The following RAPGEF5 variants were observed in gnomAD, a reference collection of about 807,000 sequenced individuals.
RAPGEF5 encodes Rap guanine nucleotide exchange factor 5, also known as M-Ras-regulated GEF.
A neutral mutation model predicts 125.2 loss-of-function variants in RAPGEF5; 65 were observed. The observed-to-expected ratio is 0.52, with a 90% confidence interval of 0.43 to 0.64. The LOEUF (loss-of-function observed/expected upper bound fraction) is 0.64, where lower values mean the gene tolerates loss of function less well. Ranked by LOEUF, RAPGEF5 falls within the 30% of genes least tolerant of loss-of-function variation. RAPGEF5 has a pLI of 0.00. For missense variants in RAPGEF5, 958 were observed against 1,048.1 expected, an observed-to-expected ratio of 0.91 and a Z score of 1.19; for synonymous variants, 391 against 385.9, an observed-to-expected ratio of 1.01 and a Z score of -0.16.
At chr7:22,172,624 A>G (rs928129533) in intron 11 of RAPGEF5, among the ~76,000 whole-genome samples, 4 of 152,200 alleles carry the variant, frequency 2.6e-5, no homozygotes, top group Non-Finnish European at 2.9e-5. Context: ...TAGAATAGTA[A>G]GAGGTTTGGT....
At chr7:22,285,739 C>T (rs1397994826) in intron 6 of RAPGEF5, among the ~76,000 whole-genome samples, 1 of 152,196 alleles carries the variant, frequency 6.6e-6, no homozygotes, top group Non-Finnish European at 1.5e-5. Flanking sequence ...TGAGACAGGA[C>T]TTGACTGGCA....
chr7:22,299,692 G>C (rs1239606152), intron 5 of RAPGEF5, among the ~76,000 whole-genome samples: 14 of 151,998 alleles, frequency 9.2e-5, no homozygotes, highest in Non-Finnish European at 2.1e-4. Context: ...AATTCTGTTA[G>C]TTTTCCTTCA....
chr7:22,188,220 G>A (rs1032900302), intron 11 of RAPGEF5, among the ~76,000 whole-genome samples: 1 of 152,158 alleles, frequency 6.6e-6, no homozygotes, highest in Admixed American at 6.5e-5. Context: ...GAAAAAGCCT[G>A]GAAGAAAGGC....
At chr7:22,308,736 A>G (rs1783403026) in intron 4 of RAPGEF5, among the ~76,000 whole-genome samples, 1 of 152,210 alleles carries the variant, frequency 6.6e-6, no homozygotes, top group African/African-American at 2.4e-5. Context: ...ACATGTATTC[A>G]TATTTTTTCT....
chr7:22,127,420 C>T (rs1305366044), intron 24 of RAPGEF5, among the ~76,000 whole-genome samples: 1 of 152,178 alleles, frequency 6.6e-6, no homozygotes, highest in East Asian at 1.9e-4. Flanking sequence ...AGTGAGCTGT[C>T]TCTACCACTT....
intron 9 of RAPGEF5, among the ~76,000 whole-genome samples, chr7:22,209,576 A>T (rs1035883611): frequency 1.3e-5 from 2 of 152,236 alleles, no homozygotes; most frequent in African/African-American, 2.4e-5. Flanking sequence ...TAATTTTTAG[A>T]CATGTGCTTC....
In RAPGEF5 at chr7:22,259,317, G is replaced by C. The variant is rs193132523; in HGVS notation, c.796+7647C>G. 2.4e-4 allele frequency among the ~76,000 whole-genome samples: 36 copies of C among 152,280 alleles called. No homozygotes were observed. The East Asian group carries it at 3.3e-3, about 14-fold the overall frequency. Reference sequence around the variant, plus strand: ...ATATCACTACACATCTATTAAAAGGGCCTACTAGAATGGCCAAAATCTAGA... The same window carrying C: ...ATATCACTACACATCTATTAAAAGGCCCTACTAGAATGGCCAAAATCTAGA... On this transcript the variant is annotated intron_variant, in intron 7 of 25. Transcript: ENST00000665637.
At chr7:22,216,220 C>A (rs1785634316) in intron 9 of RAPGEF5, among the ~76,000 whole-genome samples, 1 of 152,182 alleles carries the variant, frequency 6.6e-6, no homozygotes, top group African/African-American at 2.4e-5. Context: ...CTCAATTCTT[C>A]CTCTAAAGCA....
chr7:22,307,921 C>T (rs774813081), intron 5 of RAPGEF5, among the ~76,000 whole-genome samples: 5 of 152,154 alleles, frequency 3.3e-5, no homozygotes, highest in African/African-American at 1.2e-4. Flanking sequence ...TGATGATTCA[C>T]GTGTTTTAAT....
At position 22,160,258 on chromosome 7, in the gene RAPGEF5, C is replaced by T. The variant is rs969861481; in HGVS notation, c.1526+260G>A. ...AGTAATAATTTACTAATTGTTTTTA[C>T]GTACCTGGTTGTTATGGCCCAGGTT... On this transcript the variant is annotated intron_variant, in intron 14 of 25. Transcript: ENST00000665637. Among the ~76,000 whole-genome samples, 20 of 152,254 alleles carry T rather than the reference C, an allele frequency of 1.3e-4. No individual in the cohort carries two copies. In the South Asian group the frequency reaches 1.9e-3, roughly 14 times the overall value.
intron 6 of RAPGEF5, among the ~76,000 whole-genome samples, chr7:22,284,861 C>T (rs1188717024): frequency 1.3e-5 from 2 of 152,140 alleles, no homozygotes; most frequent in Non-Finnish European, 2.9e-5. Flanking sequence ...AAACATATTT[C>T]TAAATGTGAT....
chr7:22,315,584 T>C (rs1783572928), intron 2 of RAPGEF5, 108 bp from the exon 3 acceptor site: 1 of 656,070 alleles, frequency 1.5e-6, no homozygotes, highest in African/African-American at 2.0e-5. Context: ...TATATTCATA[T>C]ATTTATATAT....
At chr7:22,331,677 G>A (rs1177580219) in intron 1 of RAPGEF5, among the ~76,000 whole-genome samples, 6 of 150,148 alleles carry the variant, frequency 4.0e-5, no homozygotes, top group South Asian at 2.1e-4. Flanking sequence ...CCCGGGAGGC[G>A]GAGCTTGCAG....
intron 7 of RAPGEF5, among the ~76,000 whole-genome samples, chr7:22,251,102 A>T (rs1786607121): frequency 6.6e-6 from 1 of 152,210 alleles, no homozygotes; most frequent in African/African-American, 2.4e-5. Flanking sequence ...GATTTTAGCC[A>T]TTAAAGTTTT....
intron 7 of RAPGEF5, among the ~76,000 whole-genome samples, chr7:22,249,624 T>TA (rs1348460492): frequency 6.6e-6 from 1 of 152,214 alleles, no homozygotes; most frequent in African/African-American, 2.4e-5. Flanking sequence ...TCTCCTTTTA[T>TA]AAAGCTTTCA....
chr7:22,329,822 G>C (rs1275332200), intron 1 of RAPGEF5, among the ~76,000 whole-genome samples: 1 of 152,124 alleles, frequency 6.6e-6, no homozygotes, highest in Non-Finnish European at 1.5e-5. Flanking sequence ...CACTCAGGGG[G>C]CCACAGGCAG....
intron 7 of RAPGEF5, among the ~76,000 whole-genome samples, chr7:22,259,204 A>G (rs1782086046): frequency 6.6e-6 from 1 of 152,244 alleles, no homozygotes; most frequent in South Asian, 2.1e-4. Flanking sequence ...ACCTGAACAC[A>G]TACCTCAACG....
chr7:22,294,713 C>T (rs1783018909), intron 5 of RAPGEF5, among the ~76,000 whole-genome samples: 1 of 152,124 alleles, frequency 6.6e-6, no homozygotes, highest in Non-Finnish European at 1.5e-5. Flanking sequence ...CTCTTCAAGA[C>T]ATATCTCTCA....
At chr7:22,318,255 C>A (rs1383293193) in intron 1 of RAPGEF5, among the ~76,000 whole-genome samples, 1 of 152,084 alleles carries the variant, frequency 6.6e-6, no homozygotes, top group Non-Finnish European at 1.5e-5. Flanking sequence ...ACAGGATATT[C>A]CACTTCAATG....
Sources: allele counts gnomAD v4.1 joint callset (sites outside exome capture counted in the v4.1 genomes callset), GRCh38; gene constraint gnomAD v4.1.1; transcripts MANE v1.5; gene names NCBI Gene and HGNC (gene_info 2026-07-23, HGNC 2026-07-21).